The following GMDS variants were observed in gnomAD, a reference collection of about 807,000 sequenced individuals.
GMDS encodes GDP-mannose 4,6 dehydratase.
In GMDS, 20 loss-of-function variants were observed where a neutral mutation model predicts 49.9. The ratio of observed to expected loss-of-function variants is 0.40; its 90% confidence interval spans 0.28 to 0.58. The LOEUF (loss-of-function observed/expected upper bound fraction) is 0.58. GMDS is among the 20% of genes least tolerant of loss of function. The probability of loss-of-function intolerance (pLI) is 0.42; values close to 1 mark genes in which losing one functional copy is unlikely to be tolerated. For missense variants in GMDS, 362 were observed against 481.4 expected, an observed-to-expected ratio of 0.75 and a Z score of 2.32; for synonymous variants, 177 against 178.6, an observed-to-expected ratio of 0.99 and a Z score of 0.07.
intron 7 of GMDS, among the ~76,000 whole-genome samples, chr6:1,929,269 G>A (rs1228739697): frequency 1.3e-5 from 2 of 152,166 alleles, no homozygotes; most frequent in Non-Finnish European, 2.9e-5. Flanking sequence ...GACAGAAATA[G>A]GCTCATGAGC....
At chr6:2,039,947 TG>T (rs1352895953) in intron 4 of GMDS, among the ~76,000 whole-genome samples, 2 of 152,232 alleles carry the variant, frequency 1.3e-5, no homozygotes, top group African/African-American at 4.8e-5. Flanking sequence ...CCACTGGCAG[TG>T]CAGTAGGTTT....
At chr6:1,873,024 T>C (rs1758853521) in intron 7 of GMDS, among the ~76,000 whole-genome samples, 1 of 152,188 alleles carries the variant, frequency 6.6e-6, no homozygotes, top group African/African-American at 2.4e-5. Context: ...CCCCACTCTT[T>C]CGTCAGTCTG....
At chr6:1,693,051 T>C (rs922938347) in intron 9 of GMDS, among the ~76,000 whole-genome samples, 1 of 152,226 alleles carries the variant, frequency 6.6e-6, no homozygotes, top group African/African-American at 2.4e-5. Context: ...AGCGGTACTT[T>C]TGGCTCCTCC....
At chr6:1,820,814 C>A (rs1770858135) in intron 7 of GMDS, among the ~76,000 whole-genome samples, 1 of 152,104 alleles carries the variant, frequency 6.6e-6, no homozygotes. Flanking sequence ...TGATGCATTC[C>A]CCTAAATTCA....
chr6:1,978,817 G>A (rs1017915368), intron 4 of GMDS, among the ~76,000 whole-genome samples: 16 of 152,092 alleles, frequency 1.1e-4, no homozygotes, highest in African/African-American at 3.6e-4. Flanking sequence ...TTCCAACCAG[G>A]GTCTCCAGCC....
chr6:2,161,614 A>G (rs1171740532), intron 1 of GMDS, among the ~76,000 whole-genome samples: 1 of 152,216 alleles, frequency 6.6e-6, no homozygotes, highest in Non-Finnish European at 1.5e-5. Flanking sequence ...ACTGTGCTAT[A>G]AAGTGCTGAC....
chr6:2,179,095 C>T (rs1184024094), intron 1 of GMDS, among the ~76,000 whole-genome samples: 1 of 152,112 alleles, frequency 6.6e-6, no homozygotes, highest in Non-Finnish European at 1.5e-5. Flanking sequence ...AAATGCAAAC[C>T]ACCATAGTAC....
At chr6:2,184,388 C>G (rs1386926024) in intron 1 of GMDS, among the ~76,000 whole-genome samples, 1 of 152,214 alleles carries the variant, frequency 6.6e-6, no homozygotes, top group Non-Finnish European at 1.5e-5. Context: ...TGGCCCTTGC[C>G]TACCTTCCCC....
chr6:2,182,067 A>G (rs1778569594), intron 1 of GMDS, among the ~76,000 whole-genome samples: 1 of 152,272 alleles, frequency 6.6e-6, no homozygotes, highest in African/African-American at 2.4e-5. Flanking sequence ...ATGATAAGAA[A>G]GTGAAACAGC....
chr6:2,069,843 T>C (rs1468933157), intron 4 of GMDS, among the ~76,000 whole-genome samples: 3 of 152,094 alleles, frequency 2.0e-5, no homozygotes, highest in African/African-American at 7.3e-5. Context: ...GTTCAACCAT[T>C]GTGGAAGTCA....
rs74559906 is a variant in GMDS at position 2,163,438 on chromosome 6, A to T, written c.103-38707T>A. On this transcript the variant is annotated intron_variant, in intron 1 of 10. Coordinates refer to ENST00000380815, the MANE Select transcript of GMDS (RefSeq NM_001500.4). ...GTGTCTATGTGTGTGTGTGTGTGTGAGAGAGAGAGAGAGATTTACTACAAC... is the reference window on the plus strand; with the variant it reads ...GTGTCTATGTGTGTGTGTGTGTGTGTGAGAGAGAGAGAGATTTACTACAAC... Among the ~76,000 whole-genome samples the T allele has an allele frequency of 1.6e-3, 190 of 121,972 alleles. 1 individual carries two copies. Among genetic ancestry groups the T allele is most frequent in the Admixed American group, 4.5e-3 (61 of 13,580 alleles). 80.0% of individuals were successfully genotyped at this position (121,972 alleles called of 152,430 possible).
At chr6:2,035,716 T>C (rs951456590) in intron 4 of GMDS, among the ~76,000 whole-genome samples, 1 of 152,082 alleles carries the variant, frequency 6.6e-6, no homozygotes, top group Non-Finnish European at 1.5e-5. Flanking sequence ...AGATGGAGTC[T>C]CGCTCTGTCA....
At position 2,215,004 on chromosome 6, in the gene GMDS, TG is replaced by T. The variant is rs571883532; in HGVS notation, c.102+30316del. On this transcript the variant is annotated intron_variant, in intron 1 of 10. Coordinates refer to ENST00000380815, the MANE Select transcript of GMDS (RefSeq NM_001500.4). ...AATGTAAGTACGTTAAGACCAACTGTGAAGTACTTTTGTCTCCACCCCACAT... is the reference window on the plus strand; with the variant it reads ...AATGTAAGTACGTTAAGACCAACTGTAAGTACTTTTGTCTCCACCCCACAT... Among the ~76,000 whole-genome samples, 288 of 152,330 alleles carry T rather than the reference TG, an allele frequency of 1.9e-3. 3 individuals are homozygous for T. The highest frequency in any genetic ancestry group is 6.6e-3 in the African/African-American group (276 of 41,576).
At chr6:2,144,784 G>T (rs536212737) in intron 1 of GMDS, among the ~76,000 whole-genome samples, 9 of 152,230 alleles carry the variant, frequency 5.9e-5, no homozygotes, top group Admixed American at 3.9e-4. Flanking sequence ...CTGACTTCAA[G>T]CCTTCAGCAA....
rs1756745757 is a variant in GMDS, at chr6:1,833,114, G to A, written c.772-90528C>T. The stretch of plus-strand genomic sequence containing the variant: ...TGTGCCCAGCTCACCCGGCAGTGGA[G>A]CGTATGAAAGCCTTTTTTTTTTTTT... On this transcript the variant is annotated intron_variant, in intron 7 of 10. Transcript: ENST00000380815. The surrounding 1 kb of genome is among the most constrained non-coding windows in gnomAD (Gnocchi z 4.4). Among the ~76,000 whole-genome samples, 1 of 149,388 alleles carries A rather than the reference G, an allele frequency of 6.7e-6. No homozygotes were observed. The highest frequency in any genetic ancestry group is 1.5e-5 in the Non-Finnish European group (1 of 67,546).
chr6:1,681,891 T>C (rs2113309387), intron 9 of GMDS, among the ~76,000 whole-genome samples: 1 of 152,354 alleles, frequency 6.6e-6, no homozygotes, highest in Middle Eastern at 3.4e-3. Flanking sequence ...AGACAAGGTC[T>C]TGCTATGTTG....
intron 9 of GMDS, among the ~76,000 whole-genome samples, chr6:1,707,155 C>T (rs892272578): frequency 6.6e-6 from 1 of 152,148 alleles, no homozygotes; most frequent in African/African-American, 2.4e-5. Flanking sequence ...CCCAAAATTT[C>T]AATATTAGTG....
chr6:1,690,558 C>T (rs1430754864), intron 9 of GMDS, among the ~76,000 whole-genome samples: 4 of 152,140 alleles, frequency 2.6e-5, no homozygotes, highest in Non-Finnish European at 5.9e-5. Context: ...GAGTCCCCAT[C>T]AGAGTGAACA....
intron 9 of GMDS, among the ~76,000 whole-genome samples, chr6:1,713,992 T>C (rs895278410): frequency 6.6e-6 from 1 of 152,214 alleles, no homozygotes; most frequent in Non-Finnish European, 1.5e-5. Flanking sequence ...GTACACCTTA[T>C]TAGGAAAATC....
Sources: allele counts gnomAD v4.1 joint callset (sites outside exome capture counted in the v4.1 genomes callset), GRCh38; gene constraint gnomAD v4.1.1; non-coding constraint Gnocchi (gnomAD v3.1); transcripts MANE v1.5; gene names NCBI Gene and HGNC (gene_info 2026-07-23, HGNC 2026-07-21).